CROCC2: variants seen among roughly 807,000 people sequenced by gnomAD.
CROCC2 encodes ciliary rootlet coiled-coil, rootletin family member 2.
CROCC2 carries 163 observed loss-of-function variants against 177.6 expected under a neutral mutation model. The observed-to-expected ratio is 0.92, with a 90% CI of 0.81 to 1.05. The LOEUF (loss-of-function observed/expected upper bound fraction) is 1.05, where lower values mean the gene tolerates loss of function less well. Ranked by LOEUF, CROCC2 falls within the 50% of genes least tolerant of loss-of-function variation. The pLI, the probability that CROCC2 is intolerant of heterozygous loss-of-function variation, is 0.00. For synonymous variants in CROCC2, 904 were observed against 787.3 expected, an observed-to-expected ratio of 1.15 and a Z score of -2.48; for missense variants, 1,929 against 1,797.8, an observed-to-expected ratio of 1.07 and a Z score of -1.32.
At chr2:240,974,537 T>TC (rs1003994791) in intron 27 of CROCC2, among the ~76,000 whole-genome samples, 20 of 146,674 alleles carry the variant, frequency 1.4e-4, no homozygotes, top group African/African-American at 2.7e-4. Flanking sequence ...TTTTTTTCTT[T>TC]TTTTTTTTTT....
At chr2:240,991,748 C>T (rs1011021104) in intron 31 of CROCC2, among the ~76,000 whole-genome samples, 1 of 152,228 alleles carries the variant, frequency 6.6e-6, no homozygotes, top group African/African-American at 2.4e-5. Context: ...CTGCTCTGAC[C>T]AGACCCCCGG....
chr2:240,973,691 C>T lies in CROCC2; in HGVS notation c.4401+5429C>T, dbSNP rs759683696. On this transcript the variant is annotated intron_variant, in intron 27 of 31. Coordinates refer to ENST00000690015, the MANE Select transcript of CROCC2 (RefSeq NM_001351305.2). This position sits in a 1 kb window ranked among gnomAD's most constrained non-coding sequence, Gnocchi z 4.7. Reference sequence around the variant, plus strand: ...GCAGAGCAGCTTAGGGCCAGCGGGGCCCACAAGGTGGACACTGAGCCACAG... The same window carrying T: ...GCAGAGCAGCTTAGGGCCAGCGGGGTCCACAAGGTGGACACTGAGCCACAG... Among the ~76,000 whole-genome samples the T allele has an allele frequency of 1.3e-5, 2 of 152,214 alleles. No homozygotes were observed. The highest frequency in any genetic ancestry group is 2.9e-5 in the Non-Finnish European group (2 of 68,042).
Position 240,918,569 on chromosome 2 carries a change from G to C in CROCC2, c.79-157G>C, listed in dbSNP as rs764165731. On this transcript the variant is annotated intron_variant, in intron 1 of 31. Transcript: ENST00000690015. The surrounding 1 kb of genome is among the most constrained non-coding windows in gnomAD (Gnocchi z 6.3). ...CTCCGCAGGTGCAGAACCAAGGCAT[G>C]CGCCTGAGTGACCTGCCCAGCCTCA... Among the ~76,000 whole-genome samples, 19 of 152,354 alleles carry C rather than the reference G, an allele frequency of 1.2e-4. No homozygotes were observed. The highest frequency in any genetic ancestry group is 3.4e-3 in the Middle Eastern group (1 of 294).
At position 240,963,589 on chromosome 2, in the gene CROCC2, C is replaced by T; in HGVS notation, c.3121C>T (p.Gln1041Ter). 6.5e-7 allele frequency: 1 copy of T among 1,546,752 alleles called. No individual in the cohort carries two copies. The highest frequency in any genetic ancestry group is 8.7e-7 in the Non-Finnish European group (1 of 1,145,524). ...GCTGCGGGCACAGCTGACCGTGGCC[C>T]AGGAGGGACTGGCCGCACTGCGCCA... The part of the protein sequence containing the change: ...ERLRAQLTVA[Q>*]EGLAALRQEL... The change falls in exon 21 of 32, where the codon CAG becomes TAG. Residue 1041 changes from glutamine (Q) to a stop codon, truncating the protein, a stop_gained. Coordinates refer to ENST00000690015, the MANE Select transcript of CROCC2 (RefSeq NM_001351305.2). LOFTEE classifies it high-confidence loss of function.
At chr2:240,914,630 G>T (rs1259790748) in intron 1 of CROCC2, among the ~76,000 whole-genome samples, 1 of 152,142 alleles carries the variant, frequency 6.6e-6, no homozygotes, top group African/African-American at 2.4e-5. Flanking sequence ...CAGGAGGTTC[G>T]CCCTCCACCC....
Position 240,967,666 on chromosome 2 carries a change from A to G in CROCC2, c.4267+201A>G, listed in dbSNP as rs573631327. On this transcript the variant is annotated intron_variant, in intron 26 of 31. Coordinates refer to ENST00000690015, the MANE Select transcript of CROCC2 (RefSeq NM_001351305.2). The stretch of plus-strand genomic sequence containing the variant: ...CGGAGTTCTCAGCAGCGACTTCCCC[A>G]GCACAGAGGAGTGACGTCCACAGGC... 5.1e-3 allele frequency: 4,046 copies of G among 785,836 alleles called. 16 individuals carry two copies. The highest frequency in any genetic ancestry group is 8.3e-3 in the Middle Eastern group (13 of 1,564). 48.7% of individuals were successfully genotyped at this position (785,836 alleles called of 1,614,324 possible). A position where few individuals can be genotyped will look rare whatever the true frequency, so the allele number is the denominator to read the frequency against.
chr2:240,956,633 G>C (rs920326756), intron 19 of CROCC2, among the ~76,000 whole-genome samples: 1 of 152,224 alleles, frequency 6.6e-6, no homozygotes, highest in Non-Finnish European at 1.5e-5. Flanking sequence ...CAAGTCCAGG[G>C]GGCTGGACAG....
chr2:240,922,436 C>T, intron 3 of CROCC2, 103 bp from the exon 4 acceptor site: 2 of 584,776 alleles, frequency 3.4e-6, no homozygotes, highest in Non-Finnish European at 6.2e-6. Flanking sequence ...CCCCAGGGAG[C>T]CCTCTCTTCC....
Position 240,982,886 on chromosome 2 carries a change from C to G in CROCC2, c.4408C>G (p.Leu1470Val), listed in dbSNP as rs780210131. The part of the protein sequence containing the change: ...GQEKRRLQEQ[L>V]ETLRQALEES... ...TGTGTCTCCTTCCCCCCAGGAGCAA[C>G]TGGAAACGCTGCGCCAGGCTCTTGA... Residue 1470 changes from leucine to valine, a missense_variant, in exon 28 of 32, where the codon CTG becomes GTG. Coordinates refer to ENST00000690015, the MANE Select transcript of CROCC2 (RefSeq NM_001351305.2). This position sits in a 1 kb window ranked among gnomAD's most constrained non-coding sequence, Gnocchi z 4.7. 1 of 1,548,372 alleles carries G rather than the reference C, an allele frequency of 6.5e-7. No homozygotes were observed. The highest frequency in any genetic ancestry group is 1.2e-5 in the South Asian group (1 of 83,742).
chr2:240,959,376 A>C lies in CROCC2; in HGVS notation c.3019A>C (p.Arg1007=), dbSNP rs1226106744. The change falls in exon 20 of 32, where the codon AGG becomes CGG. Residue 1007 remains arginine (R), a synonymous_variant. Coordinates refer to ENST00000690015, the MANE Select transcript of CROCC2 (RefSeq NM_001351305.2). ...QFEDAITAHQ[R]ETTALRESLQ... ...TGAGGATGCCATCACAGCCCATCAG[A>C]GGGAGACCACGGCCCTACGCGAGAG... 1.9e-6 allele frequency: 3 copies of C among 1,550,460 alleles called. No homozygotes were observed. Among genetic ancestry groups the C allele is most frequent in the Non-Finnish European group, 1.7e-6 (2 of 1,146,902 alleles).
intron 28 of CROCC2, chr2:240,983,694 G>A (rs1383602967): frequency 1.7e-6 from 2 of 1,158,722 alleles, no homozygotes; most frequent in East Asian, 1.3e-4. Flanking sequence ...ACCTGCCGGC[G>A]GGGTGGCACT....
chr2:240,940,025 TAAATC>T (rs2059487715), intron 14 of CROCC2, among the ~76,000 whole-genome samples: 2 of 152,224 alleles, frequency 1.3e-5, no homozygotes, highest in Non-Finnish European at 2.9e-5. Flanking sequence ...AAATATAAAT[TAAATC>T]AAGTTGCTTA....
At chr2:240,947,620 G>A (rs938605603) in intron 15 of CROCC2, among the ~76,000 whole-genome samples, 2 of 152,202 alleles carry the variant, frequency 1.3e-5, no homozygotes, top group South Asian at 2.1e-4. Context: ...TGATGAGCTC[G>A]CAGGTAACAT....
Position 240,932,910 on chromosome 2 carries a change from TG to T in CROCC2, c.1251+5del. The T allele has an allele frequency of 6.5e-7, 1 of 1,544,372 alleles. No homozygotes were observed. On this transcript the variant is annotated splice_donor_region_variant and intron_variant, in intron 9 of 31. Coordinates refer to ENST00000690015, the MANE Select transcript of CROCC2 (RefSeq NM_001351305.2). ...GAGAGGCGGTGGCGGCGGGAACAGGTGGGCAGCCGCAGCCCACAGGACTCCC... is the reference window on the plus strand; with the variant it reads ...GAGAGGCGGTGGCGGCGGGAACAGGTGGCAGCCGCAGCCCACAGGACTCCC...
chr2:240,933,624 T>G, intron 10 of CROCC2, 46 bp from the exon 11 acceptor site: 1 of 1,536,728 alleles, frequency 6.5e-7, no homozygotes, highest in South Asian at 1.2e-5. Context: ...GCGGTGCACC[T>G]TGAATGTGTC....
chr2:240,933,550 C>T (rs1451040032), intron 10 of CROCC2, 120 bp from the exon 11 acceptor site: 4 of 1,241,358 alleles, frequency 3.2e-6, no homozygotes, highest in South Asian at 1.5e-5. Context: ...GCTTCTCAGG[C>T]TCCCTCTGCC....
At chr2:240,944,700 C>T (rs114788385) in intron 14 of CROCC2, among the ~76,000 whole-genome samples, 8 of 152,170 alleles carry the variant, frequency 5.3e-5, no homozygotes, top group African/African-American at 1.7e-4. Context: ...TTCTTGAACA[C>T]GTGAATCAGC....
intron 15 of CROCC2, among the ~76,000 whole-genome samples, chr2:240,948,094 G>C (rs74347576): frequency 1.3e-5 from 2 of 152,124 alleles, no homozygotes; most frequent in East Asian, 3.8e-4. Context: ...CACGCAGAAG[G>C]GGGAAGAGCT....
chr2:240,936,674 G>GGGCA (rs1221927653), intron 14 of CROCC2, among the ~76,000 whole-genome samples: 3 of 152,186 alleles, frequency 2.0e-5, no homozygotes, highest in Non-Finnish European at 4.4e-5. Context: ...TGCCTACAAA[G>GGGCA]GGCACTTTTA....
Sources: gnomAD v4.1 joint callset for allele counts (sites outside exome capture counted in the v4.1 genomes callset) on GRCh38, gnomAD v4.1.1 for gene constraint, Gnocchi (gnomAD v3.1) non-coding constraint, MANE v1.5 for transcripts, NCBI Gene and HGNC (gene_info 2026-07-23, HGNC 2026-07-21) for gene names.